HSD17B4: variants seen among roughly 807,000 people sequenced by gnomAD.
The protein encoded by HSD17B4 is peroxisomal multifunctional enzyme type 2.
A neutral mutation model predicts 101.0 loss-of-function variants in HSD17B4; 70 were observed. The observed-to-expected ratio is 0.69, with a 90% confidence interval of 0.57 to 0.85. The LOEUF is 0.85. Ranked by LOEUF, HSD17B4 falls within the 40% of genes least tolerant of loss-of-function variation. The pLI, the probability that HSD17B4 is intolerant of heterozygous loss-of-function variation, is 0.00. For synonymous variants in HSD17B4, 347 were observed against 297.1 expected (o/e 1.17, Z -1.73); for missense variants, 984 against 892.4 (o/e 1.10, Z -1.31).
intron 23 of HSD17B4, among the ~76,000 whole-genome samples, chr5:119,539,708 G>A (rs115663991): frequency 0.016 from 2,401 of 151,964 alleles, 29 homozygotes; most frequent in African/African-American, 0.035. Flanking sequence ...ATTAAAGCAT[G>A]TTATTTTTGC....
chr5:119,525,726 C>CTTTTTTTT, intron 18 of HSD17B4, 191 bp from the exon 19 acceptor site: 5 of 347,704 alleles, frequency 1.4e-5, no homozygotes, highest in South Asian at 4.5e-5. Flanking sequence ...TTTTTTTTTT[C>CTTTTTTTT]TTTCTTTCTT....
chr5:119,501,722 C>G (rs1309082929), intron 13 of HSD17B4, among the ~76,000 whole-genome samples: 1 of 152,120 alleles, frequency 6.6e-6, no homozygotes, highest in African/African-American at 2.4e-5. Context: ...GTTCCAGGCA[C>G]TGTTATAAGT....
Position 119,531,364 on chromosome 5 carries a change from G to A in HSD17B4, c.1953G>A (p.Glu651=), listed in dbSNP as rs1216990205. The A allele has an allele frequency of 1.2e-6, 2 of 1,613,530 alleles. No homozygotes were observed. Among genetic ancestry groups the A allele is most frequent in the Non-Finnish European group, 1.7e-6 (2 of 1,179,698 alleles). The change falls in exon 22 of 24, where the codon GAG becomes GAA. Residue 651 remains glutamate, a synonymous_variant. Transcript: ENST00000510025. ...TGAAGAAAGTAAATGCTGTATTTGA[G>A]TGGCATATAACCAAAGGCGGAAATA... is the stretch of plus-strand genomic sequence containing the variant. ...EVVKKVNAVF[E]WHITKGGNIG... is the part of the protein sequence containing the mutation.
At position 119,499,216 on chromosome 5, in the gene HSD17B4, A is replaced by G. The variant is rs967872757; in HGVS notation, c.973-101A>G. 12 of 762,470 alleles carry G rather than the reference A, an allele frequency of 1.6e-5. No individual in the cohort carries two copies. In the Admixed American group the frequency reaches 2.1e-4, roughly 13 times the overall value. 47.2% of individuals were successfully genotyped at this position (762,470 alleles called of 1,614,324 possible). ...ATTATGCTCCATCAAATTCACTAAC[A>G]TTCTAGTCACATCTATTCAAAAACA... On this transcript the variant is annotated intron_variant, in intron 12 of 23. Coordinates refer to ENST00000510025, the MANE Select transcript of HSD17B4 (RefSeq NM_000414.4).
At chr5:119,485,811 A>T (rs1364865319) in intron 8 of HSD17B4, among the ~76,000 whole-genome samples, 1 of 152,208 alleles carries the variant, frequency 6.6e-6, no homozygotes, top group East Asian at 1.9e-4. Context: ...CTAACTTTCC[A>T]AGCTGTATTA....
chr5:119,459,669 C>A (rs1755018196), intron 2 of HSD17B4, among the ~76,000 whole-genome samples: 1 of 152,046 alleles, frequency 6.6e-6, no homozygotes, highest in African/African-American at 2.4e-5. Flanking sequence ...CTGTAGAGTC[C>A]CGAGATGGCA....
At chr5:119,541,822 T>G in intron 23 of HSD17B4, 83 bp from the exon 24 acceptor site, 1 of 827,566 alleles carries the variant, frequency 1.2e-6, no homozygotes, top group Non-Finnish European at 2.0e-6. Flanking sequence ...TTGTATTCAG[T>G]CTGAATAATC....
intron 2 of HSD17B4, 154 bp downstream of exon 2, chr5:119,456,522 G>C (rs1307226018): frequency 3.1e-6 from 2 of 643,886 alleles, no homozygotes; most frequent in Non-Finnish European, 5.5e-6. Flanking sequence ...GACTAAGGCT[G>C]TCTGTCTAAA....
intron 22 of HSD17B4, 46 bp from the exon 23 acceptor site, chr5:119,536,377 G>T (rs181622531): frequency 2.5e-6 from 4 of 1,585,054 alleles, no homozygotes; most frequent in Admixed American, 1.7e-5. Context: ...CCCTCATTTT[G>T]TTGGAGAGAA....
chr5:119,529,771 GATT>G (rs1187354823), intron 20 of HSD17B4, 120 bp from the exon 21 acceptor site: 24 of 660,186 alleles, frequency 3.6e-5, no homozygotes. Context: ...ATTTTATCTG[GATT>G]ATTATATTCT....
chr5:119,489,374 T>A, intron 9 of HSD17B4, 91 bp downstream of exon 9: 1 of 827,372 alleles, frequency 1.2e-6, no homozygotes, highest in Non-Finnish European at 2.1e-6. Context: ...TTGTATATTT[T>A]TAAATATTGT....
At chr5:119,482,052 C>G (rs554170868) in intron 8 of HSD17B4, among the ~76,000 whole-genome samples, 1 of 151,996 alleles carries the variant, frequency 6.6e-6, no homozygotes, top group Non-Finnish European at 1.5e-5. Flanking sequence ...TGGTGTCTGT[C>G]ATTAATTTTA....
chr5:119,510,797 G>A (rs1752100849), intron 16 of HSD17B4, among the ~76,000 whole-genome samples: 1 of 152,192 alleles, frequency 6.6e-6, no homozygotes, highest in South Asian at 2.1e-4. Flanking sequence ...GGCGTTTGCA[G>A]CCAAGAACGT....
At chr5:119,525,650 G>T in intron 18 of HSD17B4, 2 of 530,954 alleles carry the variant, frequency 3.8e-6, no homozygotes, top group East Asian at 3.3e-5. Flanking sequence ...TGATTTCATG[G>T]TTACAACCAA....
chr5:119,464,461 A>G (rs1158088868), intron 2 of HSD17B4, among the ~76,000 whole-genome samples: 1 of 151,934 alleles, frequency 6.6e-6, no homozygotes, highest in African/African-American at 2.4e-5. Flanking sequence ...TCCCCCACAT[A>G]TGTTCTTGGC....
intron 23 of HSD17B4, among the ~76,000 whole-genome samples, chr5:119,538,231 A>C (rs905254095): frequency 6.6e-6 from 1 of 152,184 alleles, no homozygotes; most frequent in Non-Finnish European, 1.5e-5. Flanking sequence ...TGTAAAAATT[A>C]TCTTAGATTC....
At chr5:119,520,743 T>C (rs1024851144) in intron 17 of HSD17B4, among the ~76,000 whole-genome samples, 40 of 152,026 alleles carry the variant, frequency 2.6e-4, no homozygotes, top group African/African-American at 9.4e-4. Flanking sequence ...CCATTCGAGG[T>C]CCTTCATTAT....
At chr5:119,524,049 A>G (rs1460661407) in intron 17 of HSD17B4, among the ~76,000 whole-genome samples, 1 of 152,108 alleles carries the variant, frequency 6.6e-6, no homozygotes, top group Non-Finnish European at 1.5e-5. Flanking sequence ...TTTATTATAT[A>G]AAGTGCTTTT....
At position 119,475,914 on chromosome 5, in the gene HSD17B4, T is replaced by A. The variant is rs764379009; in HGVS notation, c.349+44T>A. On this transcript the variant is annotated intron_variant, in intron 6 of 23. Coordinates refer to ENST00000510025, the MANE Select transcript of HSD17B4 (RefSeq NM_000414.4). Reference sequence around the variant, plus strand: ...TTCTCTGGGGAACATACTTATCCATTTAGCCTTTTTAGTATTTGATAAATT... The same window carrying A: ...TTCTCTGGGGAACATACTTATCCATATAGCCTTTTTAGTATTTGATAAATT... The A allele has an allele frequency of 2.2e-6, 3 of 1,351,916 alleles. No individual in the cohort carries two copies. The East Asian group carries it at 6.9e-5, about 31-fold the overall frequency. The allele number at this position is 1,351,916 out of a possible 1,614,324, so 83.7% of individuals were successfully genotyped here. A position where few individuals can be genotyped will look rare whatever the true frequency, so the allele number is the denominator to read the frequency against.
Sources: gnomAD v4.1 joint callset for allele counts (sites outside exome capture counted in the v4.1 genomes callset) on GRCh38, gnomAD v4.1.1 for gene constraint, MANE v1.5 for transcripts, NCBI Gene and HGNC (gene_info 2026-07-23, HGNC 2026-07-21) for gene names.